SLC25A43: variants seen among roughly 807,000 people sequenced by gnomAD.
SLC25A43 encodes solute carrier family 25, member 43.
A neutral mutation model predicts 22.8 loss-of-function variants in SLC25A43; 10 were observed. The ratio of observed to expected loss-of-function variants is 0.44; its 90% confidence interval spans 0.27 to 0.74. The LOEUF is 0.74. SLC25A43 is among the 30% of genes least tolerant of loss of function. The probability of loss-of-function intolerance (pLI) is 0.17; values close to 1 mark genes in which losing one functional copy is unlikely to be tolerated. For synonymous variants in SLC25A43, 106 were observed against 121.6 expected (o/e 0.87, Z 0.84); for missense variants, 233 against 279.1 (o/e 0.83, Z 1.18).
chrX:119,443,334 G>C (rs897113183), intron 3 of SLC25A43, among the ~76,000 whole-genome samples: 1 of 110,753 alleles, frequency 9.0e-6, no homozygotes, highest in South Asian at 3.8e-4. Context: ...TGGCAAGGCT[G>C]GTTTCGAACT....
intron 3 of SLC25A43, among the ~76,000 whole-genome samples, chrX:119,419,476 C>T (rs2052435344): frequency 2.7e-5 from 3 of 111,587 alleles, no homozygotes; most frequent in African/African-American, 9.8e-5. Flanking sequence ...CCCCAGCCTA[C>T]TCAAATAGAG....
intron 3 of SLC25A43, among the ~76,000 whole-genome samples, chrX:119,417,038 G>T (rs2052407791): frequency 9.0e-6 from 1 of 111,444 alleles, no homozygotes; most frequent in Non-Finnish European, 1.9e-5. Flanking sequence ...CTAGTTCAAG[G>T]CTTCGCCAGC....
intron 2 of SLC25A43, among the ~76,000 whole-genome samples, chrX:119,408,523 C>T (rs902501096): frequency 1.8e-5 from 2 of 111,448 alleles, no homozygotes; most frequent in Non-Finnish European, 3.8e-5. Flanking sequence ...GAAATTAGCC[C>T]GCTCCTCTTT....
rs1289491927 is a variant in SLC25A43 at position 119,399,551 on chromosome X, CG to C, written c.152del (p.Gly51AspfsTer73). The C allele has an allele frequency of 1.9e-6, 2 of 1,065,813 alleles. No individual in the cohort carries two copies. Among genetic ancestry groups the C allele is most frequent in the Non-Finnish European group, 2.4e-6 (2 of 826,579 alleles). 87.8% of individuals were successfully genotyped at this position (1,065,813 alleles called of 1,213,427 possible). A position where few individuals can be genotyped will look rare whatever the true frequency, so the allele number is the denominator to read the frequency against. ...AQVGVVRGHA[R>X]GPWATGHRVW... ...GGTTGGCGTCGTGCGAGGCCACGCC[CG>C]GGGACCGTGGGCCACAGGGCACCGG... On this transcript the variant is annotated frameshift_variant, in exon 1 of 5. Coordinates refer to ENST00000217909, the MANE Select transcript of SLC25A43 (RefSeq NM_145305.3). LOFTEE classifies it high-confidence loss of function.
chrX:119,432,513 G>A (rs1267081383), intron 3 of SLC25A43, among the ~76,000 whole-genome samples: 1 of 111,727 alleles, frequency 9.0e-6, no homozygotes, highest in African/African-American at 3.3e-5. Flanking sequence ...AGAGGGCCGG[G>A]CACAGTGGCT....
rs1325113032 is a variant in SLC25A43 at position 119,453,919 on chromosome X, A to G, written c.*854A>G. The G allele has an allele frequency of 4.4e-5, 5 of 112,459 alleles. No homozygotes were observed. The highest frequency in any genetic ancestry group is 9.4e-5 in the Non-Finnish European group (5 of 53,256). The allele number at this position is 112,459 out of a possible 1,213,427, so 9.3% of individuals were successfully genotyped here. On this transcript the variant is annotated 3_prime_UTR_variant, in exon 5 of 5. Coordinates refer to ENST00000217909, the MANE Select transcript of SLC25A43 (RefSeq NM_145305.3). ...ATCAGAATCTAAATGAAAATAGCGA[A>G]CATTTAAAAGCTATCACCATTGTAG...
chrX:119,423,605 G>A (rs2052476358), intron 3 of SLC25A43: 1 of 111,466 alleles, frequency 9.0e-6, no homozygotes, highest in Non-Finnish European at 1.9e-5. Context: ...AATGTGACCA[G>A]ATTTGAATGA....
intron 3 of SLC25A43, among the ~76,000 whole-genome samples, chrX:119,449,737 G>GAAAGAAAAGA (rs375013928): frequency 1.8e-5 from 2 of 110,756 alleles, no homozygotes; most frequent in East Asian, 2.8e-4. Flanking sequence ...CTCAAAAAAA[G>GAAAGAAAAGA]AAAGAAAAGA....
At chrX:119,414,912 T>TG (rs2052386399) in intron 3 of SLC25A43, among the ~76,000 whole-genome samples, 1 of 74,973 alleles carries the variant, frequency 1.3e-5, no homozygotes, top group African/African-American at 5.5e-5. Context: ...CACACCCAGC[T>TG]AATTTTTTTT....
At chrX:119,447,042 C>T (rs1281170399) in intron 3 of SLC25A43, among the ~76,000 whole-genome samples, 1 of 111,174 alleles carries the variant, frequency 9.0e-6, no homozygotes, top group Non-Finnish European at 1.9e-5. Flanking sequence ...CAACCTCCAC[C>T]TCCCGGGTTC....
At chrX:119,442,185 G>A (rs761596216) in intron 3 of SLC25A43, among the ~76,000 whole-genome samples, 3 of 112,585 alleles carry the variant, frequency 2.7e-5, no homozygotes, top group South Asian at 3.7e-4. Context: ...ATCCACATGC[G>A]CAGTGGTGCC....
At chrX:119,405,341 C>T (rs763892397) in intron 1 of SLC25A43, among the ~76,000 whole-genome samples, 11 of 110,115 alleles carry the variant, frequency 1.0e-4, no homozygotes, top group Non-Finnish European at 2.1e-4. Context: ...CCCTTAAATG[C>T]TTTCACCTGA....
At position 119,425,627 on chromosome X, in the gene SLC25A43, G is replaced by GA. The variant is rs58579795; in HGVS notation, c.690+15281dup. ...CTGAGTAGCATTGCGTTAGCAGTCA[G>GA]AAAAAAAAAAAAAAAAGATGCTTTT... On this transcript the variant is annotated intron_variant, in intron 3 of 4. Coordinates refer to ENST00000217909, the MANE Select transcript of SLC25A43 (RefSeq NM_145305.3). Among the ~76,000 whole-genome samples the GA allele has an allele frequency of 6.4e-3, 550 of 85,365 alleles. 8 individuals are homozygous for GA. The highest frequency in any genetic ancestry group is 0.021 in the East Asian group (56 of 2,702). 74.1% of individuals were successfully genotyped at this position (85,365 alleles called of 115,157 possible).
intron 3 of SLC25A43, among the ~76,000 whole-genome samples, chrX:119,422,414 C>G (rs2052462614): frequency 8.9e-6 from 1 of 112,358 alleles, no homozygotes; most frequent in African/African-American, 3.2e-5. Context: ...GAATGGCTCA[C>G]TCTTGCTAGA....
chrX:119,413,913 A>G (rs927316928), intron 3 of SLC25A43, among the ~76,000 whole-genome samples: 2 of 110,842 alleles, frequency 1.8e-5, no homozygotes, highest in Admixed American at 9.7e-5. Context: ...GCATTTTTTC[A>G]TATCTGTGAT....
At chrX:119,443,119 T>C (rs1249186694) in intron 3 of SLC25A43, among the ~76,000 whole-genome samples, 3 of 62,027 alleles carry the variant, frequency 4.8e-5, no homozygotes, top group Admixed American at 1.5e-4. Context: ...TCTCTCTCTT[T>C]TTTTTTTTTT....
chrX:119,429,773 G>A (rs951706512), intron 3 of SLC25A43, among the ~76,000 whole-genome samples: 10 of 111,799 alleles, frequency 8.9e-5, no homozygotes, highest in Non-Finnish European at 5.6e-5. Flanking sequence ...GACTTCGTGT[G>A]GAGGTCTCAG....
At chrX:119,434,482 A>G (rs987689135) in intron 3 of SLC25A43, 5 of 106,892 alleles carry the variant, frequency 4.7e-5, no homozygotes, top group Non-Finnish European at 9.7e-5. Flanking sequence ...TTGGGTCACA[A>G]AAGAGTGACC....
chrX:119,405,595 CAAA>C (rs56389948), intron 1 of SLC25A43, among the ~76,000 whole-genome samples: 1 of 51,166 alleles, frequency 2.0e-5, no homozygotes, highest in African/African-American at 7.6e-5. Flanking sequence ...CCTATCTCTA[CAAA>C]AAAAAAAAAA....
Sources: gnomAD v4.1 joint callset for allele counts (sites outside exome capture counted in the v4.1 genomes callset) on GRCh38, gnomAD v4.1.1 for gene constraint, MANE v1.5 for transcripts, NCBI Gene and HGNC (gene_info 2026-07-23, HGNC 2026-07-21) for gene names.